Variants in VPS13A observed in about 807,000 individuals in gnomAD.
VPS13A encodes the protein intermembrane lipid transfer protein VPS13A.
A neutral mutation model predicts 390.9 loss-of-function variants in VPS13A; 264 were observed. The ratio of observed to expected loss-of-function variants is 0.68; its 90% CI spans 0.61 to 0.75. The LOEUF (loss-of-function observed/expected upper bound fraction) is 0.75. Ranked by LOEUF, VPS13A falls within the 30% of genes least tolerant of loss-of-function variation. The pLI is 0.00. For synonymous variants in VPS13A, 1,231 were observed against 1,227.1 expected, an observed-to-expected ratio of 1.00 and a Z score of -0.07; for missense variants, 3,409 against 3,733.9, an observed-to-expected ratio of 0.91 and a Z score of 2.27.
chr9:77,280,261 G>A (rs761504368), intron 27 of VPS13A, 23 bp downstream of exon 27: 2 of 1,559,278 alleles, frequency 1.3e-6, no homozygotes, highest in East Asian at 4.5e-5. Context: ...ATTTATATCT[G>A]CTTAATATGG....
chr9:77,303,212 T>A, intron 34 of VPS13A, 150 bp downstream of exon 34: 2 of 841,122 alleles, frequency 2.4e-6, no homozygotes, highest in South Asian at 1.7e-5. Context: ...GAATTCATTT[T>A]AAAATGGTCT....
At chr9:77,312,705 A>G (rs2131422268) in intron 35 of VPS13A, among the ~76,000 whole-genome samples, 1 of 152,276 alleles carries the variant, frequency 6.6e-6, no homozygotes, top group South Asian at 2.1e-4. Context: ...GTGAGCCACC[A>G]TGCCCAGCCG....
At chr9:77,407,494 AGATTATCTTTT>A in intron 70 of VPS13A, 28 bp from the exon 71 acceptor site, 1 of 1,534,310 alleles carries the variant, frequency 6.5e-7, no homozygotes, top group Non-Finnish European at 9.0e-7. Context: ...TTTTACAACC[AGATTATCTTTT>A]TAATGAATTT....
chr9:77,319,955 C>A (rs1392172184), intron 42 of VPS13A, among the ~76,000 whole-genome samples: 2 of 152,102 alleles, frequency 1.3e-5, no homozygotes, highest in East Asian at 3.9e-4. Context: ...CATCATGAGC[C>A]TTGCCCACAT....
chr9:77,309,951 A>C (rs1828976023), intron 35 of VPS13A, among the ~76,000 whole-genome samples: 1 of 152,074 alleles, frequency 6.6e-6, no homozygotes, highest in African/African-American at 2.4e-5. Context: ...TTTTTTATTT[A>C]TCATCAATAA....
chr9:77,384,043 A>G (rs924674655), intron 68 of VPS13A, among the ~76,000 whole-genome samples: 3 of 151,534 alleles, frequency 2.0e-5, no homozygotes, highest in South Asian at 4.1e-4. Flanking sequence ...TACTGTGGAA[A>G]ATAATTAGAT....
At chr9:77,407,202 G>A (rs1047891710) in intron 70 of VPS13A, among the ~76,000 whole-genome samples, 1 of 152,174 alleles carries the variant, frequency 6.6e-6, no homozygotes, top group Non-Finnish European at 1.5e-5. Context: ...AACTGTGTAA[G>A]AAATTATTTG....
chr9:77,376,299 AAGGACTT>A (rs557278845), intron 67 of VPS13A, among the ~76,000 whole-genome samples: 1 of 152,128 alleles, frequency 6.6e-6, no homozygotes, highest in Non-Finnish European at 1.5e-5. Context: ...AAGCCCCTGT[AAGGACTT>A]AGGCTTTTGC....
At chr9:77,238,507 G>GT (rs1328019165) in intron 19 of VPS13A, 121 bp downstream of exon 19, 6 of 813,848 alleles carry the variant, frequency 7.4e-6, no homozygotes, top group Non-Finnish European at 1.2e-5. Context: ...ACTGGTTTTA[G>GT]TTTAACAGAA....
At chr9:77,252,097 T>C in intron 21 of VPS13A, 138 bp from the exon 22 acceptor site, 2 of 736,098 alleles carry the variant, frequency 2.7e-6, no homozygotes, top group South Asian at 1.5e-5. Context: ...TGTATGTACC[T>C]GAGAATGTGA....
chr9:77,407,899 A>G (rs1344954104), intron 71 of VPS13A, among the ~76,000 whole-genome samples: 1 of 152,104 alleles, frequency 6.6e-6, no homozygotes, highest in Non-Finnish European at 1.5e-5. Context: ...ACAAACAAAA[A>G]TTAATTATTT....
chr9:77,251,003 G>T (rs1230065281), intron 21 of VPS13A, among the ~76,000 whole-genome samples: 1 of 152,212 alleles, frequency 6.6e-6, no homozygotes, highest in Admixed American at 6.5e-5. Context: ...TATGCAGTCA[G>T]ATTTTAATTA....
In VPS13A at chr9:77,419,572, A is replaced by AGAT. The variant is rs1353056251; in HGVS notation, c.*3568_*3570dup. The AGAT allele has an allele frequency of 2.6e-5, 4 of 152,208 alleles. No individual in the cohort carries two copies. The highest frequency in any genetic ancestry group is 9.6e-5 in the African/African-American group (4 of 41,454). 9.4% of individuals were successfully genotyped at this position (152,208 alleles called of 1,614,324 possible). A position where few individuals can be genotyped will look rare whatever the true frequency, so the allele number is the denominator to read the frequency against. ...TTAGCACTTCTTCTTTTGAGTGAGA[A>AGAT]GATGGAATCACTCTTGGTTTCTAAA... On this transcript the variant is annotated 3_prime_UTR_variant, in exon 72 of 72. Transcript: ENST00000360280.
chr9:77,399,483 G>A (rs1375965718), intron 68 of VPS13A, among the ~76,000 whole-genome samples: 1 of 151,910 alleles, frequency 6.6e-6, no homozygotes, highest in Admixed American at 6.6e-5. Flanking sequence ...AGCATAATAT[G>A]GAAATAAAAG....
intron 22 of VPS13A, among the ~76,000 whole-genome samples, chr9:77,254,645 C>T (rs1825339205): frequency 6.6e-6 from 1 of 152,136 alleles, no homozygotes; most frequent in Non-Finnish European, 1.5e-5. Flanking sequence ...ATAATATTGA[C>T]TGTTATAGTC....
chr9:77,193,739 G>T (rs1332926393), intron 1 of VPS13A, among the ~76,000 whole-genome samples: 1 of 152,180 alleles, frequency 6.6e-6, no homozygotes, highest in Non-Finnish European at 1.5e-5. Flanking sequence ...TTCTTGCCCT[G>T]ATTCTTTCTC....
intron 26 of VPS13A, among the ~76,000 whole-genome samples, chr9:77,279,347 C>T (rs1382650806): frequency 6.6e-6 from 1 of 152,076 alleles, no homozygotes; most frequent in Non-Finnish European, 1.5e-5. Context: ...TGAACTACCC[C>T]AGCGTCCGGA....
At position 77,307,929 on chromosome 9, in the gene VPS13A, C is replaced by CTTT; in HGVS notation, c.3961-8_3961-6dup. 1 of 1,424,058 alleles carries CTTT rather than the reference C, an allele frequency of 7.0e-7. No homozygotes were observed. The highest frequency in any genetic ancestry group is 9.7e-7 in the Non-Finnish European group (1 of 1,031,230). The allele number at this position is 1,424,058 out of a possible 1,614,324, so 88.2% of individuals were successfully genotyped here. ...AGTAGCAGTGCTAAAAAGAACAAAT[C>CTTT]TTTTTTTTTTAACAGTTCATTCTTA... On this transcript the variant is annotated splice_polypyrimidine_tract_variant and intron_variant, in intron 34 of 71. Coordinates refer to ENST00000360280, the MANE Select transcript of VPS13A (RefSeq NM_033305.3).
intron 1 of VPS13A, among the ~76,000 whole-genome samples, chr9:77,180,079 A>C (rs987742082): frequency 5.3e-5 from 8 of 152,204 alleles, no homozygotes; most frequent in Non-Finnish European, 7.3e-5. Context: ...CATTATATTC[A>C]TAGACCACAA....
Sources: gnomAD v4.1 joint callset for allele counts (sites outside exome capture counted in the v4.1 genomes callset) on GRCh38, gnomAD v4.1.1 for gene constraint, MANE v1.5 for transcripts, NCBI Gene and HGNC (gene_info 2026-07-23, HGNC 2026-07-21) for gene names.